Variants in ATP11A observed in about 807,000 individuals in gnomAD.
ATP11A encodes ATPase phospholipid transporting 11A, also known as phospholipid-transporting ATPase IH.
In ATP11A, 81 loss-of-function variants were observed where a neutral mutation model predicts 154.4. The observed-to-expected ratio is 0.52, with a 90% CI of 0.44 to 0.63. The LOEUF is 0.63. Ranked by LOEUF, ATP11A falls within the 30% of genes least tolerant of loss-of-function variation. The pLI is 0.00. For missense variants in ATP11A, 1,316 were observed against 1,474.3 expected (o/e 0.89, Z 1.76); for synonymous variants, 623 against 585.9 (o/e 1.06, Z -0.91).
At chr13:112,778,437 A>G (rs1291354857) in intron 1 of ATP11A, among the ~76,000 whole-genome samples, 1 of 152,260 alleles carries the variant, frequency 6.6e-6, no homozygotes. Flanking sequence ...CTAGAAATAC[A>G]TTCTAAGTTG....
Position 112,881,908 on chromosome 13 carries a change from C to T in ATP11A, c.*42C>T, listed in dbSNP as rs375079403. 111 of 1,367,774 alleles carry T rather than the reference C, an allele frequency of 8.1e-5. 3 individuals carry two copies. In the South Asian group the frequency reaches 8.7e-4, roughly 11 times the overall value. 84.7% of individuals were successfully genotyped at this position (1,367,774 alleles called of 1,614,324 possible). ...GCTACCAGAGCACCTGTCCCTCGGC[C>T]GCCTGGTACAGCTCCCACTCTCAGC... On this transcript the variant is annotated 3_prime_UTR_variant, in exon 30 of 30. Coordinates refer to ENST00000375645, the MANE Select transcript of ATP11A (RefSeq NM_015205.3).
At chr13:112,806,064 G>T (rs2078314385) in intron 3 of ATP11A, 149 bp from the exon 4 acceptor site, 1 of 575,498 alleles carries the variant, frequency 1.7e-6, no homozygotes, top group African/African-American at 1.9e-5. Flanking sequence ...CGATTGACTT[G>T]CTATCTCCCG....
intron 1 of ATP11A, among the ~76,000 whole-genome samples, chr13:112,713,571 GC>G (rs749162226): frequency 6.6e-6 from 1 of 152,152 alleles, no homozygotes; most frequent in Non-Finnish European, 1.5e-5. Flanking sequence ...TTGTTAAAGT[GC>G]CATCATAGCC....
chr13:112,785,559 C>T lies in ATP11A; in HGVS notation c.162+302C>T, dbSNP rs143995651. On this transcript the variant is annotated intron_variant, in intron 2 of 29. Coordinates refer to ENST00000375645, the MANE Select transcript of ATP11A (RefSeq NM_015205.3). This position sits in a 1 kb window ranked among gnomAD's most constrained non-coding sequence, Gnocchi z 4.8. ...TCCAGGATCCAAACCCTACCCAGGTCCCACTTCTGAGGCGCCTGGCCACGT... is the reference window on the plus strand; with the variant it reads ...TCCAGGATCCAAACCCTACCCAGGTTCCACTTCTGAGGCGCCTGGCCACGT... Among the ~76,000 whole-genome samples, 5 of 152,230 alleles carry T rather than the reference C, an allele frequency of 3.3e-5. No homozygotes were observed. The highest frequency in any genetic ancestry group is 2.0e-4 in the Admixed American group (3 of 15,302).
At chr13:112,828,427 G>GC (rs2079001502) in intron 12 of ATP11A, among the ~76,000 whole-genome samples, 1 of 135,772 alleles carries the variant, frequency 7.4e-6, no homozygotes, top group African/African-American at 2.8e-5. Flanking sequence ...GGTGTTGAGT[G>GC]GGGGGAAAGT....
chr13:112,815,970 TC>T, intron 5 of ATP11A, 112 bp from the exon 6 acceptor site: 8 of 1,438,994 alleles, frequency 5.6e-6, no homozygotes, highest in Non-Finnish European at 7.7e-6. Flanking sequence ...CGTGTCCACA[TC>T]CCCGTGTCTT....
intron 1 of ATP11A, among the ~76,000 whole-genome samples, chr13:112,701,175 A>G (rs1886478055): frequency 6.6e-6 from 1 of 152,124 alleles, no homozygotes; most frequent in Admixed American, 6.5e-5. Flanking sequence ...TTCTACCATG[A>G]TTTCTCCATG....
chr13:112,714,945 C>G (rs186793002), intron 1 of ATP11A, among the ~76,000 whole-genome samples: 1 of 151,750 alleles, frequency 6.6e-6, no homozygotes, highest in African/African-American at 2.4e-5. Context: ...CCTCCTTCCC[C>G]CTTCCCGTAG....
intron 2 of ATP11A, among the ~76,000 whole-genome samples, chr13:112,800,086 A>G (rs534895203): frequency 6.6e-6 from 1 of 152,332 alleles, no homozygotes; most frequent in East Asian, 1.9e-4. Flanking sequence ...AAAAGAAGAA[A>G]GATCCAAAAT....
intron 20 of ATP11A, among the ~76,000 whole-genome samples, chr13:112,857,003 A>T (rs571358101): frequency 6.6e-6 from 1 of 152,264 alleles, no homozygotes; most frequent in African/African-American, 2.4e-5. Flanking sequence ...TCTCCCTCAC[A>T]TGCGTAACTG....
intron 1 of ATP11A, among the ~76,000 whole-genome samples, chr13:112,727,331 G>A (rs577359501): frequency 6.6e-6 from 1 of 152,364 alleles, no homozygotes; most frequent in East Asian, 1.9e-4. Flanking sequence ...AGAGGCGTGA[G>A]CCACTGTGCC....
chr13:112,699,296 C>A (rs945237725), intron 1 of ATP11A, among the ~76,000 whole-genome samples: 2 of 152,216 alleles, frequency 1.3e-5, no homozygotes, highest in Non-Finnish European at 2.9e-5. Context: ...TAAGTAACCA[C>A]CCTCTACCCC....
intron 1 of ATP11A, among the ~76,000 whole-genome samples, chr13:112,726,509 C>G (rs916194436): frequency 2.6e-5 from 4 of 152,150 alleles, no homozygotes; most frequent in East Asian, 1.9e-4. Context: ...CCGGCAGATT[C>G]CCAGATCTGC....
At chr13:112,829,731 G>A (rs1052462350) in intron 12 of ATP11A, among the ~76,000 whole-genome samples, 5 of 152,146 alleles carry the variant, frequency 3.3e-5, no homozygotes, top group Admixed American at 1.3e-4. Flanking sequence ...AAAGGCATTC[G>A]TATAGGAAAG....
At chr13:112,751,315 G>T (rs1335932131) in intron 1 of ATP11A, among the ~76,000 whole-genome samples, 1 of 152,056 alleles carries the variant, frequency 6.6e-6, no homozygotes, top group Middle Eastern at 3.2e-3. Flanking sequence ...TTGTTTATTG[G>T]GCTGTTCATT....
chr13:112,732,820 C>T (rs1247254606), intron 1 of ATP11A, among the ~76,000 whole-genome samples: 1 of 152,148 alleles, frequency 6.6e-6, no homozygotes, highest in Admixed American at 6.5e-5. Flanking sequence ...GCCATGTTGG[C>T]CAGGCTGGTC....
At chr13:112,770,942 T>C (rs2077211586) in intron 1 of ATP11A, among the ~76,000 whole-genome samples, 1 of 152,182 alleles carries the variant, frequency 6.6e-6, no homozygotes, top group Non-Finnish European at 1.5e-5. Context: ...TACCGGCCAT[T>C]AGGGAGAATC....
intron 1 of ATP11A, among the ~76,000 whole-genome samples, chr13:112,774,649 G>A (rs2077303035): frequency 6.6e-6 from 1 of 152,250 alleles, no homozygotes; most frequent in East Asian, 1.9e-4. Flanking sequence ...GCAAGACCCA[G>A]ACTGAGCAGA....
At chr13:112,772,138 T>C (rs936709636) in intron 1 of ATP11A, among the ~76,000 whole-genome samples, 4 of 152,246 alleles carry the variant, frequency 2.6e-5, no homozygotes, top group Non-Finnish European at 5.9e-5. Flanking sequence ...ACCTTATCTT[T>C]GTTGGCAAAG....
Sources: allele counts gnomAD v4.1 joint callset (sites outside exome capture counted in the v4.1 genomes callset), GRCh38; gene constraint gnomAD v4.1.1; non-coding constraint Gnocchi (gnomAD v3.1); transcripts MANE v1.5; gene names NCBI Gene and HGNC (gene_info 2026-07-23, HGNC 2026-07-21).